ODF2L: variants seen among roughly 807,000 people sequenced by gnomAD.
ODF2L encodes protein BCAP.
Under a neutral mutation model 86.3 loss-of-function variants are expected in ODF2L, and 76 were observed. The ratio of observed to expected loss-of-function variants is 0.88; its 90% confidence interval spans 0.73 to 1.07. The LOEUF is 1.07. Among genes scored for constraint, ODF2L ranks in the 50% least tolerant of loss-of-function variants. ODF2L has a pLI of 0.00. For synonymous variants in ODF2L, 241 were observed against 231.3 expected, an observed-to-expected ratio of 1.04 and a Z score of -0.38; for missense variants, 748 against 717.4, an observed-to-expected ratio of 1.04 and a Z score of -0.49.
At chr1:86,367,006 G>A (rs1659487954) in intron 11 of ODF2L, among the ~76,000 whole-genome samples, 2 of 152,054 alleles carry the variant, frequency 1.3e-5, no homozygotes, top group African/African-American at 4.8e-5. Context: ...TAGCACAAAG[G>A]ACTGGAAGAC....
intron 1 of ODF2L, among the ~76,000 whole-genome samples, chr1:86,390,122 G>A (rs1442983320): frequency 2.0e-5 from 3 of 152,132 alleles, no homozygotes; most frequent in Non-Finnish European, 4.4e-5. Flanking sequence ...GATGAACATA[G>A]ATGCAAGAAT....
At chr1:86,347,958 T>C (rs556960815), downstream of ODF2L, 1 of 152,302 alleles carries the variant, frequency 6.6e-6, no homozygotes, top group East Asian at 1.9e-4. Context: ...AGAGTGCTTA[T>C]TTTGATCATC....
At chr1:86,383,417 T>C (rs1377205691) in intron 4 of ODF2L, among the ~76,000 whole-genome samples, 2 of 151,778 alleles carry the variant, frequency 1.3e-5, no homozygotes, top group Non-Finnish European at 3.0e-5. Flanking sequence ...AAAAGAATGC[T>C]TCAGAAAGTA....
chr1:86,354,454 A>G lies in ODF2L; in HGVS notation c.1767+76T>C, dbSNP rs529121491. 2.6e-5 allele frequency: 24 copies of G among 921,244 alleles called. No homozygotes were observed. The African/African-American group carries it at 2.7e-4, about 10-fold the overall frequency. 57.1% of individuals were successfully genotyped at this position (921,244 alleles called of 1,614,324 possible). Reference sequence around the variant, plus strand: ...TGTCATCAGGACAAAAACAATAACTACAGGTTGCAAGATGTTTAAAAAGAT... The same window carrying G: ...TGTCATCAGGACAAAAACAATAACTGCAGGTTGCAAGATGTTTAAAAAGAT... On this transcript the variant is annotated intron_variant, in intron 16 of 17. Coordinates refer to ENST00000317336, the Ensembl canonical transcript of ODF2L.
At chr1:86,364,823 G>T (rs910918853) in intron 11 of ODF2L, among the ~76,000 whole-genome samples, 2 of 152,144 alleles carry the variant, frequency 1.3e-5, no homozygotes, top group Non-Finnish European at 2.9e-5. Context: ...CAGCTTTGAA[G>T]TGCCAACTCT....
At chr1:86,356,729 A>G (rs1658594234) in intron 13 of ODF2L, 127 bp from the exon 13 acceptor site, 1 of 654,936 alleles carries the variant, frequency 1.5e-6, no homozygotes, top group Non-Finnish European at 2.3e-6. Flanking sequence ...ATAAGAACAC[A>G]ACTGAATAAA....
intron 16 of ODF2L, 51 bp downstream of exon 15, chr1:86,354,479 T>C (rs757268162): frequency 8.3e-7 from 1 of 1,198,554 alleles, no homozygotes; most frequent in Non-Finnish European, 1.2e-6. Flanking sequence ...TTTAAAAAGA[T>C]GACTCTTTGG....
chr1:86,373,476 G>A (rs910721857), intron 8 of ODF2L, among the ~76,000 whole-genome samples: 1 of 147,850 alleles, frequency 6.8e-6, no homozygotes. Flanking sequence ...AATATATCTA[G>A]ATACATATGT....
At chr1:86,392,968 T>C (rs1661435235) in intron 1 of ODF2L, among the ~76,000 whole-genome samples, 1 of 152,150 alleles carries the variant, frequency 6.6e-6, no homozygotes, top group Non-Finnish European at 1.5e-5. Flanking sequence ...GGAGTGCTTG[T>C]AGGCTATGCT....
chr1:86,373,399 C>G (rs1659946704), intron 8 of ODF2L, among the ~76,000 whole-genome samples: 1 of 150,304 alleles, frequency 6.7e-6, no homozygotes, highest in Admixed American at 6.6e-5. Flanking sequence ...GCCTCAGCCT[C>G]CCTAGTAGCT....
intron 16 of ODF2L, among the ~76,000 whole-genome samples, chr1:86,353,423 CA>C (rs1658298463): frequency 6.6e-6 from 1 of 152,142 alleles, no homozygotes; most frequent in Non-Finnish European, 1.5e-5. Context: ...TACAAACACA[CA>C]CACACAAACA....
intron 14 of ODF2L, chr1:86,355,448 G>T: frequency 1.2e-6 from 1 of 854,802 alleles, no homozygotes; most frequent in Non-Finnish European, 1.9e-6. Context: ...ATTTCAATTA[G>T]TAATTTAGGC....
At chr1:86,348,680 A>C, downstream of ODF2L, 1 of 1,244,350 alleles carries the variant, frequency 8.0e-7, no homozygotes. Flanking sequence ...TAGTATATTT[A>C]TTTTTTTACC....
chr1:86,352,349 A>G, intron 17 of ODF2L: 1 of 986,468 alleles, frequency 1.0e-6, no homozygotes, highest in South Asian at 3.2e-5. Flanking sequence ...AAAAAACAGA[A>G]GACTAATTAA....
chr1:86,364,958 G>C (rs1659300994), intron 11 of ODF2L, among the ~76,000 whole-genome samples: 1 of 152,154 alleles, frequency 6.6e-6, no homozygotes, highest in African/African-American at 2.4e-5. Context: ...AACTTCCCTA[G>C]TGCTGCTAGT....
At chr1:86,390,019 C>G (rs986062349) in intron 1 of ODF2L, among the ~76,000 whole-genome samples, 1 of 152,142 alleles carries the variant, frequency 6.6e-6, no homozygotes, top group Non-Finnish European at 1.5e-5. Context: ...AAGAGAGAAT[C>G]CTCCCTAAAT....
chr1:86,371,532 C>T (rs1659783021), intron 9 of ODF2L, among the ~76,000 whole-genome samples: 1 of 151,990 alleles, frequency 6.6e-6, no homozygotes, highest in South Asian at 2.1e-4. Context: ...TTAAGTGAGG[C>T]AATAAAACTA....
At chr1:86,353,917 G>A (rs1457213439) in intron 16 of ODF2L, among the ~76,000 whole-genome samples, 4 of 152,194 alleles carry the variant, frequency 2.6e-5, no homozygotes, top group Non-Finnish European at 5.9e-5. Context: ...AGAGAAAGGA[G>A]AGGGCAGACA....
At chr1:86,379,489 C>T (rs1320485005) in intron 7 of ODF2L, among the ~76,000 whole-genome samples, 1 of 151,832 alleles carries the variant, frequency 6.6e-6, no homozygotes, top group Admixed American at 6.6e-5. Context: ...GTTTTAAAAA[C>T]TAGTTTAAAA....
Sources: gnomAD v4.1 joint callset for allele counts (sites outside exome capture counted in the v4.1 genomes callset) on GRCh38, gnomAD v4.1.1 for gene constraint, MANE v1.5 for transcripts, NCBI Gene and HGNC (gene_info 2026-07-23, HGNC 2026-07-21) for gene names.